IER3IP1: variants seen among roughly 807,000 people sequenced by gnomAD.
The protein encoded by IER3IP1 is immediate early response 3 interacting protein 1.
In IER3IP1, 16 loss-of-function variants were observed where a neutral mutation model predicts 12.2. That is an observed-to-expected ratio of 1.31 (90% CI 0.89 to 1.99). The LOEUF is 1.99. Among genes scored for constraint, IER3IP1 ranks in the 30% most tolerant of loss-of-function variants. The pLI, the probability that IER3IP1 is intolerant of heterozygous loss-of-function variation, is 0.00. For missense variants in IER3IP1, 95 were observed against 95.8 expected (o/e 0.99, Z 0.03); for synonymous variants, 42 against 40.0 (o/e 1.05, Z -0.19).
Position 47,176,322 on chromosome 18 carries a change from C to T in IER3IP1, c.-45G>A, listed in dbSNP as rs561377652. 2.5e-4 allele frequency: 382 copies of T among 1,523,296 alleles called. 6 individuals carry two copies. The South Asian group carries it at 4.4e-3, about 17-fold the overall frequency. The allele number at this position is 1,523,296 out of a possible 1,614,324, so 94.4% of individuals were successfully genotyped here. On this transcript the variant is annotated 5_prime_UTR_variant, in exon 1 of 3. Coordinates refer to ENST00000256433, the MANE Select transcript of IER3IP1 (RefSeq NM_016097.5). Reference sequence around the variant, plus strand: ...GAAGTCCAAGCGATTTCTCTCCCGCCGCCGCAAGGGACGTGGCGCCTCCAC... The same window carrying T: ...GAAGTCCAAGCGATTTCTCTCCCGCTGCCGCAAGGGACGTGGCGCCTCCAC...
chr18:47,163,283 A>G (rs913339222), intron 1 of IER3IP1, among the ~76,000 whole-genome samples: 8 of 152,208 alleles, frequency 5.3e-5, no homozygotes, highest in African/African-American at 1.9e-4. Flanking sequence ...CGATATTACA[A>G]CATTTACTCT....
At position 47,155,441 on chromosome 18, in the gene IER3IP1, T is replaced by A. The variant is rs1217936341; in HGVS notation, c.*736A>T. 1 of 151,816 alleles carries A rather than the reference T, an allele frequency of 6.6e-6. No individual in the cohort carries two copies. The highest frequency in any genetic ancestry group is 1.5e-5 in the Non-Finnish European group (1 of 67,996). 9.4% of individuals were successfully genotyped at this position (151,816 alleles called of 1,614,324 possible). On this transcript the variant is annotated 3_prime_UTR_variant, in exon 3 of 3. Transcript: ENST00000256433. ...CTAATATTTACGCTGTTGTTTTTTT[T>A]AAATCATCATTGTAAAAAGGGCAGA...
rs149009126 is a variant in IER3IP1, at chr18:47,157,459, C to G, written c.170G>C (p.Arg57Pro). The change falls in exon 2 of 3, where the codon CGA (arginine) becomes CCA (proline). Residue 57 changes from arginine to proline, a missense_variant. By Grantham distance (103) the Arg-to-Pro change is moderately radical. Transcript: ENST00000256433. ...ACCTCTCATCACGGTTCTTACAGAT[C>G]GAATAAGGTTCATTAGCTGTGATTT... is the stretch of plus-strand genomic sequence containing the variant. ...GIKSQLMNLI[R>P]SVRTVMRVPL... is the part of the protein sequence containing the mutation. 6.2e-7 allele frequency: 1 copy of G among 1,613,948 alleles called. No individual in the cohort carries two copies. The highest frequency in any genetic ancestry group is 8.5e-7 in the Non-Finnish European group (1 of 1,179,894).
chr18:47,167,109 G>A (rs2063998470), intron 1 of IER3IP1, among the ~76,000 whole-genome samples: 1 of 151,708 alleles, frequency 6.6e-6, no homozygotes, highest in East Asian at 1.9e-4. Flanking sequence ...GGAGTCCAGT[G>A]GCGCAGTGTC....
chr18:47,165,552 C>A (rs1294807005), intron 1 of IER3IP1, among the ~76,000 whole-genome samples: 387 of 121,890 alleles, frequency 3.2e-3, no homozygotes, highest in Non-Finnish European at 2.9e-3. Flanking sequence ...GACTCTGTCT[C>A]AAAAAAAAAA....
rs1333461576 is a variant in IER3IP1 at position 47,155,365 on chromosome 18, C to G, written c.*812G>C. ...AGGTAAATGCTTCACAATAAACAGT[C>G]TTCTTGGGTAGTACAGTGTAATTGT... is the stretch of plus-strand genomic sequence containing the variant. On this transcript the variant is annotated 3_prime_UTR_variant, in exon 3 of 3. Coordinates refer to ENST00000256433, the MANE Select transcript of IER3IP1 (RefSeq NM_016097.5). 6.6e-6 allele frequency: 1 copy of G among 152,008 alleles called. No homozygotes were observed. The highest frequency in any genetic ancestry group is 1.5e-5 in the Non-Finnish European group (1 of 67,994). 9.4% of individuals were successfully genotyped at this position (152,008 alleles called of 1,614,324 possible). A position where few individuals can be genotyped will look rare whatever the true frequency, so the allele number is the denominator to read the frequency against.
chr18:47,171,245 C>G (rs1568074341), intron 1 of IER3IP1, among the ~76,000 whole-genome samples: 1 of 152,160 alleles, frequency 6.6e-6, no homozygotes, highest in African/African-American at 2.4e-5. Flanking sequence ...GGTATATAAT[C>G]TCTTTTATAG....
At chr18:47,161,317 C>T (rs1419052694) in intron 1 of IER3IP1, among the ~76,000 whole-genome samples, 1 of 152,218 alleles carries the variant, frequency 6.6e-6, no homozygotes. Context: ...TTGACTCCTA[C>T]TCACTCTTCA....
intron 1 of IER3IP1, among the ~76,000 whole-genome samples, chr18:47,162,600 T>C (rs1046162948): frequency 6.6e-6 from 1 of 151,556 alleles, no homozygotes; most frequent in African/African-American, 2.4e-5. Flanking sequence ...AAAGATGAAA[T>C]TAAGAACACC....
chr18:47,157,639 T>A, intron 1 of IER3IP1, 102 bp from the exon 2 acceptor site: 1 of 984,592 alleles, frequency 1.0e-6, no homozygotes, highest in Non-Finnish European at 1.6e-6. Context: ...AAAGACAAAG[T>A]AGAAAGTCAT....
chr18:47,157,398 T>C (rs774258190), intron 2 of IER3IP1, 38 bp downstream of exon 2: 18 of 1,564,202 alleles, frequency 1.2e-5, no homozygotes, highest in Non-Finnish European at 1.5e-5. Context: ...AACCACAACA[T>C]TAAAACTTAA....
chr18:47,159,047 AAAAT>A (rs1467448053), intron 1 of IER3IP1, among the ~76,000 whole-genome samples: 1 of 152,244 alleles, frequency 6.6e-6, no homozygotes, highest in African/African-American at 2.4e-5. Flanking sequence ...TTTACACAAA[AAAAT>A]AGGCAATGAC....
chr18:47,158,929 C>T (rs2063970524), intron 1 of IER3IP1, among the ~76,000 whole-genome samples: 1 of 152,088 alleles, frequency 6.6e-6, no homozygotes, highest in African/African-American at 2.4e-5. Context: ...TGCTACTGCA[C>T]TCCAGCCTGG....
At chr18:47,161,247 C>T (rs1478943329) in intron 1 of IER3IP1, among the ~76,000 whole-genome samples, 3 of 152,084 alleles carry the variant, frequency 2.0e-5, no homozygotes, top group Admixed American at 6.5e-5. Flanking sequence ...GCTTTTTTGT[C>T]ACTGAGATAT....
At chr18:47,173,814 CCT>C (rs2064022770) in intron 1 of IER3IP1, among the ~76,000 whole-genome samples, 1 of 152,126 alleles carries the variant, frequency 6.6e-6, no homozygotes, top group Non-Finnish European at 1.5e-5. Flanking sequence ...CTCATCCATG[CCT>C]CTCTCTTAAC....
chr18:47,154,529 A>G lies in IER3IP1; in HGVS notation c.*1648T>C, dbSNP rs1392347370. On this transcript the variant is annotated 3_prime_UTR_variant, in exon 3 of 3. Coordinates refer to ENST00000256433, the MANE Select transcript of IER3IP1 (RefSeq NM_016097.5). ...CAAGGTCTCTCTTTTCTTTCATTTT[A>G]AAAAATTTTGTACTGCTCATACCAT... 2 of 152,242 alleles carry G rather than the reference A, an allele frequency of 1.3e-5. No individual in the cohort carries two copies. The highest frequency in any genetic ancestry group is 2.9e-5 in the Non-Finnish European group (2 of 68,044). 9.4% of individuals were successfully genotyped at this position (152,242 alleles called of 1,614,324 possible).
Position 47,160,567 on chromosome 18 carries a change from CAA to C in IER3IP1, c.92-3032_92-3031del, listed in dbSNP as rs910039215. Among the ~76,000 whole-genome samples the C allele has an allele frequency of 9.5e-4, 145 of 152,290 alleles. 1 individual carries two copies. Among genetic ancestry groups the C allele is most frequent in the African/African-American group, 3.1e-3 (129 of 41,560 alleles). On this transcript the variant is annotated intron_variant, in intron 1 of 2. Transcript: ENST00000256433. Reference sequence around the variant, plus strand: ...ATTTCCCACCAAATGCAAATAAAGACAAGAACATGGTAATAGTTCCGCCTAAC... The same window carrying C: ...ATTTCCCACCAAATGCAAATAAAGACGAACATGGTAATAGTTCCGCCTAAC...
Position 47,176,305 on chromosome 18 carries a change from A to G in IER3IP1, c.-28T>C. The G allele has an allele frequency of 1.9e-6, 3 of 1,575,178 alleles. No homozygotes were observed. Among genetic ancestry groups the G allele is most frequent in the Non-Finnish European group, 2.6e-6 (3 of 1,156,796 alleles). On this transcript the variant is annotated 5_prime_UTR_variant, in exon 1 of 3. Coordinates refer to ENST00000256433, the MANE Select transcript of IER3IP1 (RefSeq NM_016097.5). The stretch of plus-strand genomic sequence containing the variant: ...CCGTCCGAGGCCGCCCCGAAGTCCA[A>G]GCGATTTCTCTCCCGCCGCCGCAAG...
In IER3IP1 at chr18:47,155,943, G is replaced by A; in HGVS notation, c.*234C>T. On this transcript the variant is annotated 3_prime_UTR_variant, in exon 3 of 3. Coordinates refer to ENST00000256433, the MANE Select transcript of IER3IP1 (RefSeq NM_016097.5). ...AACTACTATTAACACTGAGCAATCA[G>A]ATATTCCAGTCCTGGAGAGTTACTG... is the stretch of plus-strand genomic sequence containing the variant. The A allele has an allele frequency of 2.1e-6, 1 of 474,030 alleles. No individual in the cohort carries two copies. Among genetic ancestry groups the A allele is most frequent in the South Asian group, 2.7e-5 (1 of 37,022 alleles). The allele number at this position is 474,030 out of a possible 1,614,324, so 29.4% of individuals were successfully genotyped here. A position where few individuals can be genotyped will look rare whatever the true frequency, so the allele number is the denominator to read the frequency against.
Sources: allele counts gnomAD v4.1 joint callset (sites outside exome capture counted in the v4.1 genomes callset), GRCh38; gene constraint gnomAD v4.1.1; transcripts MANE v1.5; gene names NCBI Gene and HGNC (gene_info 2026-07-23, HGNC 2026-07-21).